Variants in NFIB observed in about 807,000 individuals in gnomAD.
NFIB encodes nuclear factor I B.
NFIB carries 11 observed loss-of-function variants against 61.5 expected under a neutral mutation model. That is an observed-to-expected ratio of 0.18 (90% confidence interval 0.11 to 0.30). The LOEUF (loss-of-function observed/expected upper bound fraction) is 0.30. Among genes scored for constraint, NFIB ranks in the 10% least tolerant of loss-of-function variants. The pLI is 1.00. For synonymous variants in NFIB, 260 were observed against 216.5 expected, an observed-to-expected ratio of 1.20 and a Z score of -1.76; for missense variants, 471 against 608.9, an observed-to-expected ratio of 0.77 and a Z score of 2.38.
At chr9:14,457,798 C>T in the NFIB span, among the ~76,000 whole-genome samples, 2 of 151,958 alleles carry the variant, frequency 1.3e-5, no homozygotes, top group Non-Finnish European at 2.9e-5. Context: ...ACACATACAC[C>T]CTCCCAAGAC....
chr9:14,446,003 C>T, the NFIB span, among the ~76,000 whole-genome samples: 65,770 of 151,972 alleles, frequency 0.43, 15,715 homozygotes, highest in Admixed American at 0.56. Context: ...TTCTGAAGTA[C>T]ATTTCCACTA....
At chr9:14,405,605 G>A in the NFIB span, among the ~76,000 whole-genome samples, 8 of 150,792 alleles carry the variant, frequency 5.3e-5, no homozygotes, top group Non-Finnish European at 1.0e-4. Flanking sequence ...AACGTTAGTA[G>A]CAATTTCCAA....
intron 2 of NFIB, among the ~76,000 whole-genome samples, chr9:14,271,010 G>C (rs1242564995): frequency 6.6e-6 from 1 of 151,922 alleles, no homozygotes; most frequent in East Asian, 1.9e-4. Context: ...ATTTAGAGAG[G>C]GTCTCCTCCA....
In NFIB at chr9:14,237,915, G is replaced by C. The variant is rs2053956414; in HGVS notation, c.563-58135C>G. ...TATTCTACCATATTCTGGGTTCTGGGCAAAACAGCAGATTATCAAAGTCCT... is the reference window on the plus strand; with the variant it reads ...TATTCTACCATATTCTGGGTTCTGGCCAAAACAGCAGATTATCAAAGTCCT... On this transcript the variant is annotated intron_variant, in intron 2 of 10. Coordinates refer to ENST00000380953, the MANE Select transcript of NFIB (RefSeq NM_001190737.2). 2.1e-5 allele frequency among the ~76,000 whole-genome samples: 3 copies of C among 146,324 alleles called. 1 individual carries two copies. The South Asian group carries it at 6.7e-4, about 33-fold the overall frequency.
the NFIB span, among the ~76,000 whole-genome samples, chr9:14,506,634 T>C: frequency 1.3e-5 from 2 of 152,202 alleles, no homozygotes; most frequent in Admixed American, 6.5e-5. Flanking sequence ...AATGTGAGTA[T>C]GTAGGTTAGG....
At chr9:14,414,890 C>G in the NFIB span, among the ~76,000 whole-genome samples, 1 of 152,192 alleles carries the variant, frequency 6.6e-6, no homozygotes, top group Non-Finnish European at 1.5e-5. Context: ...GACTTCCCCA[C>G]ACACTGTCAG....
the NFIB span, among the ~76,000 whole-genome samples, chr9:14,452,807 A>T: frequency 6.6e-6 from 1 of 152,218 alleles, no homozygotes; most frequent in Non-Finnish European, 1.5e-5. Context: ...CCTGCTGATG[A>T]CAGGATTACA....
intron 1 of NFIB, among the ~76,000 whole-genome samples, chr9:14,387,228 T>C (rs528313801): frequency 2.0e-5 from 3 of 152,330 alleles, no homozygotes; most frequent in South Asian, 2.1e-4. Flanking sequence ...GAAGCAGATA[T>C]AGAAGACCTG....
At chr9:14,346,604 G>A (rs549681767) in intron 1 of NFIB, among the ~76,000 whole-genome samples, 17 of 152,274 alleles carry the variant, frequency 1.1e-4, no homozygotes, top group African/African-American at 1.2e-4. Flanking sequence ...TCGCCACAAC[G>A]TTCCCGTTGG....
At chr9:14,495,466 T>C in the NFIB span, among the ~76,000 whole-genome samples, 2 of 149,518 alleles carry the variant, frequency 1.3e-5, no homozygotes, top group African/African-American at 5.0e-5. Context: ...TTTTTTTTTG[T>C]CTGAGAGACA....
intron 2 of NFIB, among the ~76,000 whole-genome samples, chr9:14,284,882 G>A (rs2058610016): frequency 6.6e-6 from 1 of 152,148 alleles, no homozygotes. Flanking sequence ...TATGGCTCTT[G>A]ACTTGCTTAA....
chr9:14,197,619 A>G (rs2048604391), intron 2 of NFIB, among the ~76,000 whole-genome samples: 1 of 152,188 alleles, frequency 6.6e-6, no homozygotes, highest in East Asian at 1.9e-4. Context: ...AAGAAAAAAT[A>G]TGCTGTTTAT....
At chr9:14,135,497 G>A (rs2040939014) in intron 6 of NFIB, among the ~76,000 whole-genome samples, 1 of 152,180 alleles carries the variant, frequency 6.6e-6, no homozygotes, top group African/African-American at 2.4e-5. Flanking sequence ...TCCTCTAGAT[G>A]TAAAATTTTA....
the NFIB span, among the ~76,000 whole-genome samples, chr9:14,485,010 AAGAG>A: frequency 9.5e-3 from 1,440 of 151,918 alleles, 16 homozygotes; most frequent in African/African-American, 0.018. Context: ...GAGAGAGAGA[AAGAG>A]AGAGAGAGAG....
At chr9:14,491,774 C>A in the NFIB span, among the ~76,000 whole-genome samples, 1 of 152,010 alleles carries the variant, frequency 6.6e-6, no homozygotes, top group Non-Finnish European at 1.5e-5. Flanking sequence ...TCCAAAATAA[C>A]GATGAGATGT....
chr9:14,082,841 A>G lies in NFIB; in HGVS notation c.*5468T>C, dbSNP rs2032222637. On this transcript the variant is annotated 3_prime_UTR_variant, in exon 11 of 11. Transcript: ENST00000380953. ...ATATATTTGCCACATCAGTCCCTGT[A>G]GCACAGTTTTCAAAACCATTCTGTC... is the stretch of plus-strand genomic sequence containing the variant. The G allele has an allele frequency of 4.9e-6, 1 of 204,462 alleles. No homozygotes were observed. Among genetic ancestry groups the G allele is most frequent in the African/African-American group, 2.3e-5 (1 of 43,696 alleles). The allele number at this position is 204,462 out of a possible 1,614,324, so 12.7% of individuals were successfully genotyped here. A position where few individuals can be genotyped will look rare whatever the true frequency, so the allele number is the denominator to read the frequency against.
At chr9:14,455,736 T>C in the NFIB span, among the ~76,000 whole-genome samples, 1 of 152,120 alleles carries the variant, frequency 6.6e-6, no homozygotes, top group African/African-American at 2.4e-5. Flanking sequence ...CAAAGTGACC[T>C]TAACAAAAGT....
At chr9:14,427,944 T>TTTTTTTTTTTTTTTTTTTG in the NFIB span, among the ~76,000 whole-genome samples, 1 of 83,182 alleles carries the variant, frequency 1.2e-5, no homozygotes, top group Non-Finnish European at 2.3e-5. Flanking sequence ...GTTGTTTTTT[T>TTTTTTTTTTTTTTTTTTTG]TTTTTTTTTT....
At chr9:14,501,928 C>T in the NFIB span, among the ~76,000 whole-genome samples, 3 of 152,114 alleles carry the variant, frequency 2.0e-5, no homozygotes, top group South Asian at 2.1e-4. Flanking sequence ...CCCAGGGTCA[C>T]CTGCACTCTT....
Sources: allele counts gnomAD v4.1 joint callset (sites outside exome capture counted in the v4.1 genomes callset), GRCh38; gene constraint gnomAD v4.1.1; transcripts MANE v1.5; gene names NCBI Gene and HGNC (gene_info 2026-07-23, HGNC 2026-07-21).